PDE4B: variants seen among roughly 807,000 people sequenced by gnomAD.
PDE4B encodes 3',5'-cyclic-AMP phosphodiesterase 4B.
Under a neutral mutation model 82.2 loss-of-function variants are expected in PDE4B, and 20 were observed. The observed-to-expected ratio is 0.24, with a 90% CI of 0.17 to 0.35. PDE4B has a LOEUF of 0.35. Among genes scored for constraint, PDE4B ranks in the 10% least tolerant of loss-of-function variants. PDE4B has a pLI of 1.00. For missense variants in PDE4B, 655 were observed against 907.2 expected (o/e 0.72, Z 3.57); for synonymous variants, 320 against 318.9 (o/e 1.00, Z -0.04).
chr1:65,896,792 T>A (rs1646915196), intron 1 of PDE4B, among the ~76,000 whole-genome samples: 1 of 152,210 alleles, frequency 6.6e-6, no homozygotes, highest in African/African-American at 2.4e-5. Flanking sequence ...ATTGTAATGT[T>A]TACCTTGTTA....
At chr1:65,810,268 G>A (rs1645804123) in intron 1 of PDE4B, among the ~76,000 whole-genome samples, 1 of 152,134 alleles carries the variant, frequency 6.6e-6, no homozygotes, top group African/African-American at 2.4e-5. Flanking sequence ...TAAAGATTTT[G>A]TTTTTTCCTC....
chr1:65,982,264 G>T (rs57229455), intron 3 of PDE4B, among the ~76,000 whole-genome samples: 4,709 of 152,228 alleles, frequency 0.031, 242 homozygotes, highest in African/African-American at 0.11. Context: ...GTGAAAAATA[G>T]AACTTATAGG....
At chr1:65,805,403 T>C (rs1215011393) in intron 1 of PDE4B, among the ~76,000 whole-genome samples, 1 of 152,214 alleles carries the variant, frequency 6.6e-6, no homozygotes, top group Non-Finnish European at 1.5e-5. Context: ...TATATTATTG[T>C]TTAGAACTCA....
chr1:66,154,806 G>A (rs745570739), intron 3 of PDE4B, among the ~76,000 whole-genome samples: 58 of 152,144 alleles, frequency 3.8e-4, no homozygotes, highest in Non-Finnish European at 6.9e-4. Context: ...TGCTTGTAAA[G>A]ATATCCAAAA....
chr1:65,881,420 C>T (rs1482374705), intron 1 of PDE4B, among the ~76,000 whole-genome samples: 2 of 152,144 alleles, frequency 1.3e-5, no homozygotes, highest in East Asian at 3.9e-4. Context: ...GGCACCAAAA[C>T]CTAGCATCTC....
At chr1:66,013,995 G>A (rs948593315) in intron 3 of PDE4B, among the ~76,000 whole-genome samples, 3 of 152,030 alleles carry the variant, frequency 2.0e-5, no homozygotes, top group African/African-American at 7.2e-5. Flanking sequence ...TTATCCTAAT[G>A]GGTGTTAGAT....
At chr1:66,272,551 C>T (rs1202207626) in intron 7 of PDE4B, among the ~76,000 whole-genome samples, 1 of 152,138 alleles carries the variant, frequency 6.6e-6, no homozygotes, top group Non-Finnish European at 1.5e-5. Context: ...GTCTTTCTGA[C>T]TTTGAGTAGC....
At chr1:65,957,893 T>C (rs934335988) in intron 3 of PDE4B, among the ~76,000 whole-genome samples, 2 of 152,288 alleles carry the variant, frequency 1.3e-5, no homozygotes, top group South Asian at 2.1e-4. Context: ...TTGATTATTA[T>C]GCATAATAAC....
intron 1 of PDE4B, among the ~76,000 whole-genome samples, chr1:65,885,405 T>G (rs970711738): frequency 1.3e-5 from 2 of 152,250 alleles, no homozygotes; most frequent in Admixed American, 1.3e-4. Context: ...TAAAGACACA[T>G]GCACACGTAT....
At chr1:65,857,531 T>A (rs1289449887) in intron 1 of PDE4B, among the ~76,000 whole-genome samples, 4 of 152,134 alleles carry the variant, frequency 2.6e-5, no homozygotes, top group Admixed American at 2.6e-4. Context: ...GATGCAAAAA[T>A]AAAAAACAAA....
intron 3 of PDE4B, among the ~76,000 whole-genome samples, chr1:66,059,515 A>G (rs1557531659): frequency 6.6e-6 from 1 of 152,208 alleles, no homozygotes; most frequent in Non-Finnish European, 1.5e-5. Context: ...ACAGTTCCAC[A>G]TGGCTGGGGA....
At chr1:65,808,395 T>A (rs1019184857) in intron 1 of PDE4B, among the ~76,000 whole-genome samples, 1 of 151,942 alleles carries the variant, frequency 6.6e-6, no homozygotes, top group Non-Finnish European at 1.5e-5. Context: ...GTCTTGAACT[T>A]CTGGTCTCAA....
intron 7 of PDE4B, among the ~76,000 whole-genome samples, chr1:66,326,768 A>C (rs1021873985): frequency 2.0e-5 from 3 of 152,188 alleles, no homozygotes; most frequent in Admixed American, 6.5e-5. Flanking sequence ...ATTTATAGGA[A>C]ATTTATATTT....
chr1:66,162,580 C>T (rs539017240), intron 3 of PDE4B, among the ~76,000 whole-genome samples: 1 of 151,982 alleles, frequency 6.6e-6, no homozygotes, highest in East Asian at 1.9e-4. Flanking sequence ...TGCTTGGGAC[C>T]AGAAGTGTTT....
chr1:66,096,514 A>ATATATATATATATG lies in PDE4B; in HGVS notation c.282-150933_282-150932insGTATATATATATAT, dbSNP rs1645119725. ...GCGGTATAAGTAAAAAAAATTATATATATATATATATATATATATATATAT... is the reference window on the plus strand; with the variant it reads ...GCGGTATAAGTAAAAAAAATTATATATATATATATATATGTATATATATATATATATATATATAT... On this transcript the variant is annotated intron_variant, in intron 3 of 16. Transcript: ENST00000341517. Among the ~76,000 whole-genome samples, 68 of 135,180 alleles carry ATATATATATATATG rather than the reference A, an allele frequency of 5.0e-4. 2 individuals are homozygous for ATATATATATATATG. Among genetic ancestry groups the ATATATATATATATG allele is most frequent in the African/African-American group, 1.7e-3 (61 of 35,300 alleles). 88.7% of individuals were successfully genotyped at this position (135,180 alleles called of 152,430 possible). A position where few individuals can be genotyped will look rare whatever the true frequency, so the allele number is the denominator to read the frequency against.
intron 3 of PDE4B, among the ~76,000 whole-genome samples, chr1:66,110,977 A>T (rs1645474545): frequency 6.6e-6 from 1 of 152,102 alleles, no homozygotes; most frequent in African/African-American, 2.4e-5. Flanking sequence ...GGCAGAGCTG[A>T]AGCTTACTTT....
At chr1:65,954,702 T>C (rs186654178) in intron 3 of PDE4B, among the ~76,000 whole-genome samples, 2 of 152,256 alleles carry the variant, frequency 1.3e-5, no homozygotes, top group East Asian at 3.9e-4. Flanking sequence ...AGAAGTATGA[T>C]GCTTAATTTG....
chr1:66,363,304 A>T lies in PDE4B; in HGVS notation c.1119+38A>T, dbSNP rs183906550. The stretch of plus-strand genomic sequence containing the variant: ...GAGTGAATACTGGCTTTCCAATTGG[A>T]TGGCTCTTTATGATTTTTTTTTTCC... On this transcript the variant is annotated intron_variant, in intron 11 of 16. Transcript: ENST00000341517. 8.3e-5 allele frequency: 127 copies of T among 1,536,022 alleles called. No homozygotes were observed. The African/African-American group carries it at 1.7e-3, about 20-fold the overall frequency.
chr1:66,132,740 G>A (rs1245720584), intron 3 of PDE4B, among the ~76,000 whole-genome samples: 1 of 151,944 alleles, frequency 6.6e-6, no homozygotes, highest in Non-Finnish European at 1.5e-5. Context: ...TACTGTTTTT[G>A]TTGTCTCCAG....
Sources: allele counts gnomAD v4.1 joint callset (sites outside exome capture counted in the v4.1 genomes callset), GRCh38; gene constraint gnomAD v4.1.1; transcripts MANE v1.5; gene names NCBI Gene and HGNC (gene_info 2026-07-23, HGNC 2026-07-21).